CSNK1G1: variants seen among roughly 807,000 people sequenced by gnomAD.
CSNK1G1 encodes casein kinase I isoform gamma-1.
A neutral mutation model predicts 59.6 loss-of-function variants in CSNK1G1; 22 were observed. The ratio of observed to expected loss-of-function variants is 0.37; its 90% CI spans 0.26 to 0.53. The LOEUF (loss-of-function observed/expected upper bound fraction) is 0.53, where lower values mean the gene tolerates loss of function less well. Ranked by LOEUF, CSNK1G1 falls within the 20% of genes least tolerant of loss-of-function variation. The pLI is 0.89. For synonymous variants in CSNK1G1, 179 were observed against 177.1 expected, an observed-to-expected ratio of 1.01 and a Z score of -0.08; for missense variants, 384 against 519.5, an observed-to-expected ratio of 0.74 and a Z score of 2.54.
rs185493439 is a variant in CSNK1G1, at chr15:64,260,140, C to T, written c.182-899G>A. Among the ~76,000 whole-genome samples, 37 of 152,270 alleles carry T rather than the reference C, an allele frequency of 2.4e-4. No individual in the cohort carries two copies. In the East Asian group the frequency reaches 5.2e-3, roughly 21 times the overall value. On this transcript the variant is annotated intron_variant, in intron 2 of 11. Coordinates refer to ENST00000303052, the MANE Select transcript of CSNK1G1 (RefSeq NM_022048.5). ...GTAGTTCAGCCACTGCACTGAACTT[C>T]GCATCTCTTCTTACACGTTTGCCTT...
chr15:64,238,518 A>AAAAAAAAAAAATAT (rs1555396879), intron 4 of CSNK1G1, among the ~76,000 whole-genome samples: 1 of 49,246 alleles, frequency 2.0e-5, no homozygotes, highest in African/African-American at 1.2e-4. Context: ...AAAAAAAAAA[A>AAAAAAAAAAAATAT]ATATATATAT....
chr15:64,336,176 TA>T (rs1004686692), intron 1 of CSNK1G1, among the ~76,000 whole-genome samples: 4 of 152,264 alleles, frequency 2.6e-5, no homozygotes, highest in Admixed American at 2.6e-4. Flanking sequence ...CAAAACAGAG[TA>T]AACAAATGTA....
chr15:64,311,449 T>C (rs1895990179), intron 1 of CSNK1G1, among the ~76,000 whole-genome samples: 1 of 152,012 alleles, frequency 6.6e-6, no homozygotes, highest in Admixed American at 6.6e-5. Flanking sequence ...AAAGGAAAAA[T>C]ACAAACCACT....
intron 4 of CSNK1G1, among the ~76,000 whole-genome samples, chr15:64,223,463 T>C (rs2082417683): frequency 6.6e-6 from 1 of 152,188 alleles, no homozygotes; most frequent in Non-Finnish European, 1.5e-5. Flanking sequence ...AAGGAAGATA[T>C]GTGCTGGATT....
chr15:64,259,010 T>C (rs562178448), intron 3 of CSNK1G1, 191 bp downstream of exon 3: 42 of 421,854 alleles, frequency 1.0e-4, no homozygotes, highest in African/African-American at 8.0e-4. Context: ...CATTTAACTA[T>C]ATAGTGTTAT....
intron 1 of CSNK1G1, among the ~76,000 whole-genome samples, chr15:64,324,692 G>C (rs539860856): frequency 1.3e-5 from 2 of 152,108 alleles, no homozygotes; most frequent in Non-Finnish European, 2.9e-5. Flanking sequence ...GAGTCAATTC[G>C]GCTTAATGAA....
Position 64,216,755 on chromosome 15 carries a change from A to G in CSNK1G1, c.293-42T>C. The G allele has an allele frequency of 2.6e-6, 4 of 1,564,412 alleles. No homozygotes were observed. The highest frequency in any genetic ancestry group is 1.8e-6 in the Non-Finnish European group (2 of 1,140,844). Reference sequence around the variant, plus strand: ...AATGGGGGTATACAGTGGGAGACACAAAAGCCAAAATATGAGATAACAGTA... The same window carrying G: ...AATGGGGGTATACAGTGGGAGACACGAAAGCCAAAATATGAGATAACAGTA... On this transcript the variant is annotated intron_variant, in intron 4 of 11. Transcript: ENST00000303052. This position sits in a 1 kb window ranked among gnomAD's most constrained non-coding sequence, Gnocchi z 4.6.
chr15:64,251,099 G>A (rs1447488129), intron 4 of CSNK1G1, among the ~76,000 whole-genome samples: 1 of 152,198 alleles, frequency 6.6e-6, no homozygotes, highest in African/African-American at 2.4e-5. Flanking sequence ...TGACGGTTCT[G>A]TAATATTTCA....
At chr15:64,173,605 CTTTCT>C (rs1180858166) in intron 11 of CSNK1G1, among the ~76,000 whole-genome samples, 9 of 137,020 alleles carry the variant, frequency 6.6e-5, no homozygotes, top group African/African-American at 1.3e-4. Flanking sequence ...TGGTGTTTTT[CTTTCT>C]TTTCTTTTCT....
At chr15:64,311,005 A>G (rs1489553030) in intron 1 of CSNK1G1, among the ~76,000 whole-genome samples, 6 of 1,150 alleles carry the variant, frequency 5.2e-3, no homozygotes, top group African/African-American at 8.5e-3. Flanking sequence ...CTCCATCTCA[A>G]AAAAAAAAAA....
intron 4 of CSNK1G1, among the ~76,000 whole-genome samples, chr15:64,249,143 T>C (rs544003413): frequency 3.0e-4 from 45 of 152,066 alleles, no homozygotes; most frequent in Admixed American, 8.5e-4. Flanking sequence ...AATAAATATA[T>C]AAATAAATGG....
intron 1 of CSNK1G1, among the ~76,000 whole-genome samples, chr15:64,321,595 T>C (rs1896570056): frequency 6.6e-6 from 1 of 152,152 alleles, no homozygotes; most frequent in Non-Finnish European, 1.5e-5. Context: ...AGTTTTATAA[T>C]ATAAAGAGAA....
At chr15:64,211,715 C>T (rs972904982) in intron 6 of CSNK1G1, among the ~76,000 whole-genome samples, 8 of 152,022 alleles carry the variant, frequency 5.3e-5, no homozygotes, top group African/African-American at 1.2e-4. Context: ...ATGAGATAAC[C>T]GAGGCTGAGG....
intron 3 of CSNK1G1, among the ~76,000 whole-genome samples, chr15:64,254,010 T>G (rs1274565739): frequency 2.0e-5 from 3 of 151,906 alleles, no homozygotes; most frequent in Non-Finnish European, 4.4e-5. Flanking sequence ...AGTGTCAGCG[T>G]GCGCCTGTAG....
At chr15:64,217,967 T>C (rs75502729) in intron 4 of CSNK1G1, among the ~76,000 whole-genome samples, 3,512 of 152,254 alleles carry the variant, frequency 0.023, 125 homozygotes, top group African/African-American at 0.077. Context: ...TGTTTTAACT[T>C]GAGACAAGGT....
intron 3 of CSNK1G1, among the ~76,000 whole-genome samples, chr15:64,256,101 C>G (rs1481974856): frequency 6.6e-6 from 1 of 152,110 alleles, no homozygotes; most frequent in East Asian, 1.9e-4. Flanking sequence ...ATCAAAGCAG[C>G]CAGGTATAGA....
In CSNK1G1 at chr15:64,216,759, G is replaced by A. The variant is rs776903293; in HGVS notation, c.293-46C>T. On this transcript the variant is annotated intron_variant, in intron 4 of 11. Transcript: ENST00000303052. This position sits in a 1 kb window ranked among gnomAD's most constrained non-coding sequence, Gnocchi z 4.6. ...GGGGTATACAGTGGGAGACACAAAA[G>A]CCAAAATATGAGATAACAGTATTAG... 3.9e-6 allele frequency: 6 copies of A among 1,537,724 alleles called. No homozygotes were observed. The highest frequency in any genetic ancestry group is 5.4e-6 in the Non-Finnish European group (6 of 1,117,504).
At chr15:64,244,695 T>A (rs796829466) in intron 4 of CSNK1G1, among the ~76,000 whole-genome samples, 10 of 151,978 alleles carry the variant, frequency 6.6e-5, no homozygotes, top group African/African-American at 2.4e-4. Context: ...CCTGCCTGTG[T>A]AACATGGCAA....
At position 64,275,167 on chromosome 15, in the gene CSNK1G1, G is replaced by A. The variant is rs188134921; in HGVS notation, c.182-15926C>T. On this transcript the variant is annotated intron_variant, in intron 2 of 11. Coordinates refer to ENST00000303052, the MANE Select transcript of CSNK1G1 (RefSeq NM_022048.5). Reference sequence around the variant, plus strand: ...AGCAATTCTCCTGCCTCTGCCTCCCGAGTAACTGGGATTACAGGTGCATGC... The same window carrying A: ...AGCAATTCTCCTGCCTCTGCCTCCCAAGTAACTGGGATTACAGGTGCATGC... Among the ~76,000 whole-genome samples, 31 of 152,110 alleles carry A rather than the reference G, an allele frequency of 2.0e-4. No homozygotes were observed. The East Asian group carries it at 3.7e-3, about 18-fold the overall frequency.
Sources: gnomAD v4.1 joint callset for allele counts (sites outside exome capture counted in the v4.1 genomes callset) on GRCh38, gnomAD v4.1.1 for gene constraint, Gnocchi (gnomAD v3.1) non-coding constraint, MANE v1.5 for transcripts, NCBI Gene and HGNC (gene_info 2026-07-23, HGNC 2026-07-21) for gene names.